Variants in FBXO25 observed in about 807,000 individuals in gnomAD.
FBXO25 encodes F-box protein 25, also known as F-box only protein 25.
A neutral mutation model predicts 51.9 loss-of-function variants in FBXO25; 45 were observed. The ratio of observed to expected loss-of-function variants is 0.87; its 90% CI spans 0.68 to 1.11. FBXO25 has a LOEUF of 1.11. Among genes scored for constraint, FBXO25 ranks in the 50% most tolerant of loss-of-function variants. The pLI is 0.00. For missense variants in FBXO25, 507 were observed against 428.5 expected (o/e 1.18, Z -1.62); for synonymous variants, 199 against 151.0 (o/e 1.32, Z -2.33).
chr8:425,422 G>C (rs552572313), intron 2 of FBXO25, among the ~76,000 whole-genome samples: 21 of 148,214 alleles, frequency 1.4e-4, no homozygotes, highest in Non-Finnish European at 2.8e-4. Context: ...TTTCTAATCA[G>C]ATACCTAGTG....
At chr8:433,167 T>G (rs1797913967) in intron 4 of FBXO25, among the ~76,000 whole-genome samples, 1 of 152,092 alleles carries the variant, frequency 6.6e-6, no homozygotes, top group South Asian at 2.1e-4. Context: ...TGTGCACACA[T>G]TTGTGTGTGT....
chr8:431,266 T>C (rs115147033), intron 2 of FBXO25, 75 bp from the exon 3 acceptor site: 63,732 of 757,794 alleles, frequency 0.084, 3,293 homozygotes, highest in African/African-American at 0.18. Context: ...GAAGTATTTA[T>C]ATCCTTTTAC....
At chr8:437,087 A>T (rs1339737084) in intron 5 of FBXO25, among the ~76,000 whole-genome samples, 1 of 152,142 alleles carries the variant, frequency 6.6e-6, no homozygotes, top group Admixed American at 6.5e-5. Context: ...TGTGTACCAC[A>T]TACTACTATA....
At chr8:430,665 G>A (rs1360141886) in intron 2 of FBXO25, among the ~76,000 whole-genome samples, 5 of 152,146 alleles carry the variant, frequency 3.3e-5, no homozygotes, top group South Asian at 2.1e-4. Context: ...TTTACACAGC[G>A]TTAGTTTTGA....
At chr8:466,726 T>C (rs1317228498) in intron 9 of FBXO25, among the ~76,000 whole-genome samples, 4 of 152,124 alleles carry the variant, frequency 2.6e-5, no homozygotes, top group African/African-American at 9.7e-5. Context: ...TGGTTTCCCA[T>C]CTGTTGTGGC....
rs1394212967 is a variant in FBXO25, at chr8:475,519, T to A, written c.*6715T>A. The stretch of plus-strand genomic sequence containing the variant: ...ATGAAATCTATAGATTGCTTTGGAC[T>A]ATGGACATCTTAAGGTATCCAATCC... On this transcript the variant is annotated 3_prime_UTR_variant, in exon 10 of 10. Transcript: ENST00000350302. The A allele has an allele frequency of 6.6e-6, 1 of 152,550 alleles. No homozygotes were observed. The highest frequency in any genetic ancestry group is 1.5e-5 in the Non-Finnish European group (1 of 68,324). The allele number at this position is 152,550 out of a possible 1,614,324, so 9.4% of individuals were successfully genotyped here. A position where few individuals can be genotyped will look rare whatever the true frequency, so the allele number is the denominator to read the frequency against.
rs1211833799 is a variant in FBXO25 at position 445,361 on chromosome 8, G to A, written c.382-4629G>A. On this transcript the variant is annotated intron_variant, in intron 5 of 9. Coordinates refer to ENST00000350302, the MANE Select transcript of FBXO25 (RefSeq NM_183420.2). ...AGTCGGGAAGACCTTATCTCCCAGG[G>A]AACACATATTCTCTGTTCTGGTATT... Among the ~76,000 whole-genome samples, 3 of 152,134 alleles carry A rather than the reference G, an allele frequency of 2.0e-5. 1 individual carries two copies. The highest frequency in any genetic ancestry group is 2.0e-4 in the Admixed American group (3 of 15,270).
chr8:456,577 C>T (rs1032191543), intron 7 of FBXO25, among the ~76,000 whole-genome samples: 8 of 152,160 alleles, frequency 5.3e-5, no homozygotes, highest in Admixed American at 3.3e-4. Flanking sequence ...CTGCCCTATG[C>T]GTGGGTCCCA....
At chr8:411,044 T>C (rs1035439812) in intron 1 of FBXO25, among the ~76,000 whole-genome samples, 29 of 152,196 alleles carry the variant, frequency 1.9e-4, no homozygotes, top group African/African-American at 6.8e-4. Flanking sequence ...CTAAATATAG[T>C]TGGGAGGTGG....
At chr8:424,724 C>T (rs1797368387) in intron 2 of FBXO25, among the ~76,000 whole-genome samples, 1 of 152,112 alleles carries the variant, frequency 6.6e-6, no homozygotes, top group Non-Finnish European at 1.5e-5. Context: ...GTCTGTGAGT[C>T]TGTTTTTGTA....
intron 5 of FBXO25, among the ~76,000 whole-genome samples, chr8:438,566 A>C (rs376224290): frequency 5.9e-5 from 9 of 152,106 alleles, no homozygotes; most frequent in African/African-American, 1.9e-4. Context: ...TTTGAAGTTG[A>C]GTTTGAGCCA....
At chr8:419,045 T>C (rs1486318352) in intron 2 of FBXO25, among the ~76,000 whole-genome samples, 3 of 152,202 alleles carry the variant, frequency 2.0e-5, no homozygotes, top group Non-Finnish European at 4.4e-5. Context: ...TAAAAACTTA[T>C]ACCTAAAGTC....
At chr8:415,016 A>G (rs117260986) in intron 2 of FBXO25, among the ~76,000 whole-genome samples, 3,541 of 152,324 alleles carry the variant, frequency 0.023, 81 homozygotes, top group East Asian at 0.11. Context: ...CTGGAAGGAA[A>G]AACCATTTAA....
In FBXO25 at chr8:469,070, A is replaced by C. The variant is rs1182307260; in HGVS notation, c.*266A>C. On this transcript the variant is annotated 3_prime_UTR_variant, in exon 10 of 10. Coordinates refer to ENST00000350302, the MANE Select transcript of FBXO25 (RefSeq NM_183420.2). ...AATTTTGCGTACTCTCTCTCTCTAT[A>C]TATATAGTTCAAAAATACTTTAGGT... 4 of 350,612 alleles carry C rather than the reference A, an allele frequency of 1.1e-5. No homozygotes were observed. In the South Asian group the frequency reaches 3.3e-4, roughly 29 times the overall value. The allele number at this position is 350,612 out of a possible 1,614,324, so 21.7% of individuals were successfully genotyped here.
chr8:467,604 A>T, intron 9 of FBXO25: 2 of 1,038,882 alleles, frequency 1.9e-6, no homozygotes, highest in East Asian at 2.4e-5. Context: ...TTTCGTAAAT[A>T]ATATGAATCA....
chr8:423,612 G>A (rs62483102), intron 2 of FBXO25, among the ~76,000 whole-genome samples: 13,391 of 152,182 alleles, frequency 0.088, 689 homozygotes, highest in South Asian at 0.15. Context: ...TTGCTGCAAA[G>A]GGTGTGATTT....
chr8:424,278 C>T (rs193011770), intron 2 of FBXO25, among the ~76,000 whole-genome samples: 2 of 152,156 alleles, frequency 1.3e-5, no homozygotes, highest in East Asian at 3.9e-4. Flanking sequence ...TTGTCAGACG[C>T]ATAGTTTGCA....
At chr8:454,530 A>G (rs1242104765) in intron 7 of FBXO25, among the ~76,000 whole-genome samples, 5 of 152,222 alleles carry the variant, frequency 3.3e-5, no homozygotes, top group Admixed American at 1.3e-4. Context: ...GTGGGGTGTT[A>G]TAACAGATAT....
intron 5 of FBXO25, among the ~76,000 whole-genome samples, chr8:440,275 T>A (rs1161290760): frequency 1.3e-5 from 2 of 152,250 alleles, no homozygotes. Flanking sequence ...ATTAGTTCCA[T>A]CATAGGAAGC....
Sources: gnomAD v4.1 joint callset for allele counts (sites outside exome capture counted in the v4.1 genomes callset) on GRCh38, gnomAD v4.1.1 for gene constraint, MANE v1.5 for transcripts, NCBI Gene and HGNC (gene_info 2026-07-23, HGNC 2026-07-21) for gene names.